TMPRSS11D: variants seen among roughly 807,000 people sequenced by gnomAD.
The protein encoded by TMPRSS11D is transmembrane serine protease 11D.
Under a neutral mutation model 44.4 loss-of-function variants are expected in TMPRSS11D, and 32 were observed. The ratio of observed to expected loss-of-function variants is 0.72; its 90% confidence interval spans 0.54 to 0.97. The LOEUF (loss-of-function observed/expected upper bound fraction) is 0.97, where lower values mean the gene tolerates loss of function less well. TMPRSS11D is among the 50% of genes least tolerant of loss of function. TMPRSS11D has a pLI of 0.00. For missense variants in TMPRSS11D, 446 were observed against 502.6 expected, an observed-to-expected ratio of 0.89 and a Z score of 1.08; for synonymous variants, 179 against 177.9, an observed-to-expected ratio of 1.01 and a Z score of -0.05.
intron 6 of TMPRSS11D, among the ~76,000 whole-genome samples, chr4:67,834,037 C>CTAAA (rs949924581): frequency 3.3e-5 from 5 of 152,146 alleles, no homozygotes; most frequent in African/African-American, 1.2e-4. Flanking sequence ...TTTCTAGTAT[C>CTAAA]TAAATAAGGT....
chr4:67,853,974 G>T (rs1718571033), intron 3 of TMPRSS11D, 94 bp downstream of exon 3: 2 of 719,292 alleles, frequency 2.8e-6, no homozygotes, highest in South Asian at 2.3e-5. Context: ...AATATGTAGA[G>T]CACTTAGCAA....
intron 6 of TMPRSS11D, among the ~76,000 whole-genome samples, chr4:67,834,168 G>A (rs1718015605): frequency 6.6e-6 from 1 of 152,068 alleles, no homozygotes; most frequent in Admixed American, 6.6e-5. Flanking sequence ...TCTTTTGTGT[G>A]GTCTATTACT....
intron 1 of TMPRSS11D, among the ~76,000 whole-genome samples, chr4:67,860,227 G>A (rs1718765510): frequency 6.6e-6 from 1 of 152,004 alleles, no homozygotes; most frequent in South Asian, 2.1e-4. Context: ...AGCTAGGATC[G>A]GGGAGAATAG....
At chr4:67,852,245 G>A (rs1419026507) in intron 3 of TMPRSS11D, among the ~76,000 whole-genome samples, 3 of 152,126 alleles carry the variant, frequency 2.0e-5, no homozygotes, top group East Asian at 1.9e-4. Flanking sequence ...ACTCTAAAAC[G>A]TAGTTAGAGT....
chr4:67,839,386 A>G (rs949638247), intron 4 of TMPRSS11D, among the ~76,000 whole-genome samples: 9 of 152,156 alleles, frequency 5.9e-5, no homozygotes, highest in African/African-American at 1.9e-4. Flanking sequence ...AAACAAATAG[A>G]AAGGATAGAT....
Position 67,842,627 on chromosome 4 carries a change from T to C in TMPRSS11D, c.250-2A>G. 6.2e-7 allele frequency: 1 copy of C among 1,606,442 alleles called. No individual in the cohort carries two copies. The highest frequency in any genetic ancestry group is 8.5e-7 in the Non-Finnish European group (1 of 1,177,218). On this transcript the variant is annotated splice_acceptor_variant, in intron 3 of 9. Transcript: ENST00000283916. LOFTEE classifies it high-confidence loss of function. Reference sequence around the variant, plus strand: ...TGATTCTTTGAATGTTTTAGTAATCTGTAGAAAGAAAGAGAGGGGGAATCT... The same window carrying C: ...TGATTCTTTGAATGTTTTAGTAATCCGTAGAAAGAAAGAGAGGGGGAATCT...
intron 2 of TMPRSS11D, among the ~76,000 whole-genome samples, chr4:67,856,973 A>G (rs1015903966): frequency 1.4e-4 from 22 of 152,054 alleles, no homozygotes; most frequent in Non-Finnish European, 4.4e-5. Flanking sequence ...TACCAAAAAG[A>G]CAGAAAATAA....
rs1717614402 is a variant in TMPRSS11D, at chr4:67,820,889, A to G, written c.*1448T>C. 6.6e-6 allele frequency: 1 copy of G among 152,258 alleles called. No homozygotes were observed. The highest frequency in any genetic ancestry group is 2.4e-5 in the African/African-American group (1 of 41,468). The allele number at this position is 152,258 out of a possible 1,614,324, so 9.4% of individuals were successfully genotyped here. ...TAGGCAGGGAAATTATTTTAAAAAG[A>G]ATTTATTTGAAATAAAGTATAGCAA... On this transcript the variant is annotated 3_prime_UTR_variant, in exon 10 of 10. Coordinates refer to ENST00000283916, the MANE Select transcript of TMPRSS11D (RefSeq NM_004262.3).
In TMPRSS11D at chr4:67,833,251, G is replaced by C. The variant is rs780598557; in HGVS notation, c.645C>G (p.Ser215Arg). The change falls in exon 7 of 10, where the codon AGC (serine) becomes AGG (arginine). Residue 215 changes from serine (S) to arginine (R), a missense_variant. Ser to Arg is a moderately radical substitution (Grantham distance 110). Transcript: ENST00000283916. ...RLNNAHHCGG[S>R]LINNMWILTA... is the part of the protein sequence containing the mutation. ...TCAGGATCCACATGTTATTGATCAG[G>C]CTGCCTCCACAGTGGTGGGCATTAT... 1 of 1,576,664 alleles carries C rather than the reference G, an allele frequency of 6.3e-7. No homozygotes were observed. Among genetic ancestry groups the C allele is most frequent in the Non-Finnish European group, 8.6e-7 (1 of 1,162,798 alleles).
intron 3 of TMPRSS11D, among the ~76,000 whole-genome samples, chr4:67,846,789 A>T (rs910204193): frequency 8.6e-5 from 13 of 152,022 alleles, no homozygotes; most frequent in African/African-American, 2.9e-4. Context: ...TACAGATAAC[A>T]TACTTTATAT....
chr4:67,856,014 T>C (rs557325637), intron 2 of TMPRSS11D, among the ~76,000 whole-genome samples: 1 of 152,250 alleles, frequency 6.6e-6, no homozygotes, highest in East Asian at 1.9e-4. Context: ...GGAAAGACAT[T>C]CCTTGCTCAT....
At chr4:67,845,452 T>A (rs1403336642) in intron 3 of TMPRSS11D, among the ~76,000 whole-genome samples, 1 of 152,160 alleles carries the variant, frequency 6.6e-6, no homozygotes, top group Non-Finnish European at 1.5e-5. Context: ...CCTCTCAGTT[T>A]CTCCATCTGT....
chr4:67,841,220 T>C (rs1007349910), intron 4 of TMPRSS11D, among the ~76,000 whole-genome samples: 5 of 152,056 alleles, frequency 3.3e-5, no homozygotes, highest in Non-Finnish European at 7.4e-5. Flanking sequence ...AGCATATGGG[T>C]GGCAGTGAAG....
chr4:67,825,163 C>A (rs568188153), intron 9 of TMPRSS11D, among the ~76,000 whole-genome samples: 9 of 151,938 alleles, frequency 5.9e-5, no homozygotes, highest in African/African-American at 2.2e-4. Context: ...TATAAATTTT[C>A]TATCTTCAAG....
intron 1 of TMPRSS11D, among the ~76,000 whole-genome samples, chr4:67,864,423 C>A (rs1230768105): frequency 6.6e-6 from 1 of 151,756 alleles, no homozygotes; most frequent in African/African-American, 2.4e-5. Flanking sequence ...AATGAAAGAT[C>A]GATACTCACC....
At chr4:67,867,164 C>G (rs1396339276) in intron 1 of TMPRSS11D, among the ~76,000 whole-genome samples, 1 of 152,020 alleles carries the variant, frequency 6.6e-6, no homozygotes, top group East Asian at 1.9e-4. Flanking sequence ...ATAGAGAACC[C>G]AGAAATAAAG....
intron 3 of TMPRSS11D, among the ~76,000 whole-genome samples, chr4:67,847,293 T>C (rs1718382781): frequency 6.6e-6 from 1 of 152,214 alleles, no homozygotes; most frequent in South Asian, 2.1e-4. Context: ...TTCTAAGAAG[T>C]GTACCACTGA....
At chr4:67,876,709 T>C (rs905910034) in intron 1 of TMPRSS11D, among the ~76,000 whole-genome samples, 4 of 152,212 alleles carry the variant, frequency 2.6e-5, no homozygotes, top group Non-Finnish European at 5.9e-5. Context: ...TGAAGCCTTA[T>C]TGTTTTTTGC....
chr4:67,846,915 T>C (rs913729715), intron 3 of TMPRSS11D, among the ~76,000 whole-genome samples: 1 of 152,130 alleles, frequency 6.6e-6, no homozygotes, highest in African/African-American at 2.4e-5. Flanking sequence ...AAGTGATTTT[T>C]TTTTTTTTGA....
Sources: gnomAD v4.1 joint callset for allele counts (sites outside exome capture counted in the v4.1 genomes callset) on GRCh38, gnomAD v4.1.1 for gene constraint, MANE v1.5 for transcripts, NCBI Gene and HGNC (gene_info 2026-07-23, HGNC 2026-07-21) for gene names.